Variants in TASP1 observed in about 807,000 individuals in gnomAD.
TASP1 encodes taspase 1, also known as threonine aspartase 1.
Under a neutral mutation model 56.6 loss-of-function variants are expected in TASP1, and 16 were observed. That is an observed-to-expected ratio of 0.28 (90% CI 0.19 to 0.43). The LOEUF (loss-of-function observed/expected upper bound fraction) is 0.43. Among genes scored for constraint, TASP1 ranks in the 20% least tolerant of loss-of-function variants. The pLI is 1.00. For synonymous variants in TASP1, 179 were observed against 184.2 expected (o/e 0.97, Z 0.23); for missense variants, 393 against 511.6 (o/e 0.77, Z 2.24).
chr20:13,367,056 C>T, the TASP1 span, among the ~76,000 whole-genome samples: 1 of 152,184 alleles, frequency 6.6e-6, no homozygotes, highest in Non-Finnish European at 1.5e-5. Flanking sequence ...ATGGAGGCTT[C>T]CCCATCATCA....
rs148099160 is a variant in TASP1, at chr20:13,584,909, C to T, written c.403+2341G>A. On this transcript the variant is annotated intron_variant, in intron 5 of 13. Coordinates refer to ENST00000337743, the MANE Select transcript of TASP1 (RefSeq NM_017714.3). ...TTGAATCCTACTTTTTAAAACTTCC[C>T]ACAAAGAAAACCCCGTTAATTTGAA... is the stretch of plus-strand genomic sequence containing the variant. Among the ~76,000 whole-genome samples, 388 of 152,098 alleles carry T rather than the reference C, an allele frequency of 2.6e-3. 2 individuals are homozygous for T. The highest frequency in any genetic ancestry group is 8.6e-3 in the African/African-American group (358 of 41,494).
At chr20:13,170,647 A>G in the TASP1 span, among the ~76,000 whole-genome samples, 6 of 152,328 alleles carry the variant, frequency 3.9e-5, no homozygotes, top group East Asian at 5.8e-4. Flanking sequence ...GCTAATTTTT[A>G]TATCAAAAGT....
At chr20:13,433,133 C>T (rs2042871427) in intron 12 of TASP1, among the ~76,000 whole-genome samples, 1 of 152,120 alleles carries the variant, frequency 6.6e-6, no homozygotes, top group Non-Finnish European at 1.5e-5. Flanking sequence ...CCTAGCCCCG[C>T]ACCCCCTGAC....
chr20:13,353,239 T>C, the TASP1 span, among the ~76,000 whole-genome samples: 253 of 133,566 alleles, frequency 1.9e-3, no homozygotes, highest in African/African-American at 8.2e-3. Context: ...CAGAGCAAGA[T>C]TTTGTCTCAA....
the TASP1 span, among the ~76,000 whole-genome samples, chr20:13,305,521 T>C: frequency 6.6e-6 from 1 of 152,152 alleles, no homozygotes; most frequent in Admixed American, 6.5e-5. Context: ...CAATTTCCAA[T>C]GGAAAAATGT....
chr20:13,426,822 A>G (rs1198465139), intron 12 of TASP1, among the ~76,000 whole-genome samples: 2 of 152,194 alleles, frequency 1.3e-5, no homozygotes, highest in African/African-American at 4.8e-5. Flanking sequence ...CTCTTAAGAG[A>G]TATCTTCACT....
chr20:13,116,935 G>A, the TASP1 span, among the ~76,000 whole-genome samples: 2 of 152,196 alleles, frequency 1.3e-5, no homozygotes, highest in Admixed American at 1.3e-4. Context: ...GGAACAGAAA[G>A]AGGAGACACC....
chr20:13,476,979 CAA>C (rs1192740542), intron 11 of TASP1, among the ~76,000 whole-genome samples: 1 of 151,986 alleles, frequency 6.6e-6, no homozygotes. Context: ...AAATATGAAG[CAA>C]AGTCTTATAA....
intron 10 of TASP1, among the ~76,000 whole-genome samples, chr20:13,508,336 G>C (rs921081029): frequency 1.3e-5 from 2 of 152,058 alleles, no homozygotes; most frequent in African/African-American, 4.8e-5. Flanking sequence ...AAAAATATTT[G>C]CAAACTAAAT....
chr20:13,151,475 C>G, the TASP1 span, among the ~76,000 whole-genome samples: 1 of 152,236 alleles, frequency 6.6e-6, no homozygotes, highest in African/African-American at 2.4e-5. Flanking sequence ...GCCGGATGCT[C>G]TCTCCATCAC....
At chr20:13,271,532 G>C in the TASP1 span, among the ~76,000 whole-genome samples, 1 of 152,106 alleles carries the variant, frequency 6.6e-6, no homozygotes, top group Non-Finnish European at 1.5e-5. Flanking sequence ...AATACTATTG[G>C]TAATGCACCA....
intron 12 of TASP1, among the ~76,000 whole-genome samples, chr20:13,422,859 T>C (rs2042492833): frequency 6.6e-6 from 1 of 152,206 alleles, no homozygotes; most frequent in Admixed American, 6.5e-5. Context: ...AGTTCATGCA[T>C]GTCCACAAGT....
At chr20:13,354,922 C>T in the TASP1 span, among the ~76,000 whole-genome samples, 1 of 152,068 alleles carries the variant, frequency 6.6e-6, no homozygotes, top group African/African-American at 2.4e-5. Flanking sequence ...AGCTGAAAAA[C>T]AACAACCAAA....
chr20:13,500,237 A>ATG (rs781022157), intron 10 of TASP1, among the ~76,000 whole-genome samples: 1 of 142,886 alleles, frequency 7.0e-6, no homozygotes, highest in African/African-American at 2.6e-5. Context: ...CTATATAAAA[A>ATG]TGTGTGTGTG....
chr20:13,390,826 T>A (rs1420240021), intron 13 of TASP1, among the ~76,000 whole-genome samples: 1 of 152,240 alleles, frequency 6.6e-6, no homozygotes, highest in East Asian at 1.9e-4. Context: ...AATTTGTATA[T>A]GTTTTGTCTT....
the TASP1 span, among the ~76,000 whole-genome samples, chr20:13,129,798 C>T: frequency 6.6e-6 from 1 of 152,216 alleles, no homozygotes; most frequent in South Asian, 2.1e-4. Flanking sequence ...CAGTAATCAT[C>T]TGCCATCAAT....
At chr20:13,286,180 A>T in the TASP1 span, among the ~76,000 whole-genome samples, 538 of 152,266 alleles carry the variant, frequency 3.5e-3, 2 homozygotes, top group Non-Finnish European at 5.8e-3. Context: ...TGTGTGCAGG[A>T]TGTGACTGGG....
At chr20:13,514,834 G>A (rs937775808) in intron 10 of TASP1, among the ~76,000 whole-genome samples, 37 of 152,210 alleles carry the variant, frequency 2.4e-4, no homozygotes, top group South Asian at 2.1e-4. Context: ...ATCTTTAATC[G>A]TGGCATTTTA....
chr20:13,388,452 C>T (rs370354058), downstream of TASP1, among the ~76,000 whole-genome samples: 14 of 152,108 alleles, frequency 9.2e-5, no homozygotes, highest in East Asian at 5.8e-4. Context: ...TTCTTGGAGA[C>T]GCTGTGCTCT....
Sources: allele counts gnomAD v4.1 joint callset (sites outside exome capture counted in the v4.1 genomes callset), GRCh38; gene constraint gnomAD v4.1.1; transcripts MANE v1.5; gene names NCBI Gene and HGNC (gene_info 2026-07-23, HGNC 2026-07-21).